Variants in ATXN3 observed in about 807,000 individuals in gnomAD.
ATXN3 encodes the protein ataxin 3.
A neutral mutation model predicts 58.2 loss-of-function variants in ATXN3; 28 were observed. That is an observed-to-expected ratio of 0.48 (90% CI 0.36 to 0.66). ATXN3 has a LOEUF of 0.66. Ranked by LOEUF, ATXN3 falls within the 30% of genes least tolerant of loss-of-function variation. ATXN3 has a pLI of 0.00. For synonymous variants in ATXN3, 113 were observed against 138.5 expected (o/e 0.82, Z 1.29); for missense variants, 321 against 422.1 (o/e 0.76, Z 2.10).
intron 6 of ATXN3, among the ~76,000 whole-genome samples, chr14:92,087,854 C>T (rs770411294): frequency 2.0e-5 from 3 of 152,120 alleles, no homozygotes; most frequent in Non-Finnish European, 2.9e-5. Flanking sequence ...GTTATGATTA[C>T]TGGTAATAGC....
intron 1 of ATXN3, among the ~76,000 whole-genome samples, chr14:92,097,088 T>C (rs549835945): frequency 6.6e-6 from 1 of 152,000 alleles, no homozygotes; most frequent in South Asian, 2.1e-4. Flanking sequence ...TTTGTATTTT[T>C]AGTAGAGACG....
At chr14:92,074,362 C>A (rs1371093094) in intron 9 of ATXN3, among the ~76,000 whole-genome samples, 6 of 152,092 alleles carry the variant, frequency 3.9e-5, no homozygotes, top group Non-Finnish European at 2.9e-5. Context: ...TGAGGCCTAG[C>A]CATCTCCCTC....
At chr14:92,078,001 G>A (rs1249416528) in intron 9 of ATXN3, among the ~76,000 whole-genome samples, 4 of 147,062 alleles carry the variant, frequency 2.7e-5, no homozygotes, top group Non-Finnish European at 6.0e-5. Flanking sequence ...TTGAGGCGGA[G>A]TTTCACTCTG....
chr14:92,065,549 T>C (rs568608527), intron 10 of ATXN3, among the ~76,000 whole-genome samples: 167 of 138,156 alleles, frequency 1.2e-3, no homozygotes, highest in Middle Eastern at 3.8e-3. Flanking sequence ...GCCTGGGCAA[T>C]TGCGTCAGTG....
chr14:92,094,100 A>G (rs2064591813), intron 3 of ATXN3, among the ~76,000 whole-genome samples: 2 of 151,670 alleles, frequency 1.3e-5, no homozygotes, highest in Admixed American at 1.3e-4. Flanking sequence ...ACGCCACCAC[A>G]CCCAGCTATT....
At chr14:92,083,548 AC>A (rs1408447274) in intron 6 of ATXN3, 1 of 500,458 alleles carries the variant, frequency 2.0e-6, no homozygotes, top group East Asian at 5.1e-5. Context: ...CTAATATAGT[AC>A]TTGACTGAGC....
chr14:92,096,623 C>CA (rs376966269), intron 2 of ATXN3, 51 bp downstream of exon 2: 191,531 of 1,219,086 alleles, frequency 0.16, 1,365 homozygotes, highest in African/African-American at 0.31. Context: ...GACTCCGTCT[C>CA]AAAAAAAAAA....
intron 2 of ATXN3, chr14:92,046,357 G>T (rs2057427838): frequency 6.6e-6 from 1 of 152,302 alleles, no homozygotes; most frequent in Admixed American, 6.5e-5. Flanking sequence ...AGGAAAGAAG[G>T]AAGTATGGGG....
At chr14:92,068,559 T>C (rs2058844758) in intron 10 of ATXN3, among the ~76,000 whole-genome samples, 1 of 152,164 alleles carries the variant, frequency 6.6e-6, no homozygotes, top group South Asian at 2.1e-4. Flanking sequence ...AGCCAGTCTG[T>C]CTTCTCTCTG....
intron 6 of ATXN3, among the ~76,000 whole-genome samples, chr14:92,085,768 T>C (rs908321295): frequency 6.6e-6 from 1 of 152,208 alleles, no homozygotes; most frequent in African/African-American, 2.4e-5. Context: ...TAGTCAAAGC[T>C]AGGTGTTCAG....
At chr14:92,044,998 C>T (rs1356511555) in intron 2 of ATXN3, 1 of 152,120 alleles carries the variant, frequency 6.6e-6, no homozygotes, top group Non-Finnish European at 1.5e-5. Flanking sequence ...TGGTGGATTT[C>T]CTGTCTAGCC....
chr14:92,093,584 T>C lies in ATXN3; in HGVS notation c.320+162A>G, dbSNP rs11844802. ...GGTGCCAGGAAGGCTACAGGGCAGATGCTCATGGACATCACAAAGGTGAAA... is the reference window on the plus strand; with the variant it reads ...GGTGCCAGGAAGGCTACAGGGCAGACGCTCATGGACATCACAAAGGTGAAA... On this transcript the variant is annotated intron_variant, in intron 4 of 10. Coordinates refer to ENST00000644486, the MANE Select transcript of ATXN3 (RefSeq NM_004993.6). The C allele has an allele frequency of 1.7e-3, 1,126 of 673,872 alleles. 10 individuals carry two copies. In the African/African-American group the frequency reaches 0.019, roughly 11 times the overall value. 41.7% of individuals were successfully genotyped at this position (673,872 alleles called of 1,614,324 possible).
At chr14:92,079,115 G>A (rs1211560650) in intron 9 of ATXN3, among the ~76,000 whole-genome samples, 1 of 151,060 alleles carries the variant, frequency 6.6e-6, no homozygotes, top group Non-Finnish European at 1.5e-5. Flanking sequence ...GAACTCAGGA[G>A]GCAGAGGTTG....
At chr14:92,049,581 G>A (rs915939094) in intron 1 of ATXN3, 30 of 168,730 alleles carry the variant, frequency 1.8e-4, no homozygotes, top group African/African-American at 7.0e-4. Flanking sequence ...GGTAGCAAGA[G>A]AGGATGGAAA....
At position 92,058,567 on chromosome 14, in the gene ATXN3, T is replaced by C. The variant is rs2057523650; in HGVS notation, c.*5753A>G. 3 of 152,170 alleles carry C rather than the reference T, an allele frequency of 2.0e-5. No homozygotes were observed. In the South Asian group the frequency reaches 6.2e-4, roughly 32 times the overall value. The allele number at this position is 152,170 out of a possible 1,614,324, so 9.4% of individuals were successfully genotyped here. On this transcript the variant is annotated 3_prime_UTR_variant, in exon 11 of 11. Coordinates refer to ENST00000644486, the MANE Select transcript of ATXN3 (RefSeq NM_004993.6). The stretch of plus-strand genomic sequence containing the variant: ...CAAAAGGAAATAGAAAAGCAAACAT[T>C]ATCTTTATTTAATAATCTTTGATAT...
chr14:92,084,393 A>C (rs1208115759), intron 6 of ATXN3, among the ~76,000 whole-genome samples: 1 of 152,172 alleles, frequency 6.6e-6, no homozygotes, highest in Admixed American at 6.5e-5. Flanking sequence ...CAAATACCTA[A>C]AAGCTATTTA....
chr14:92,057,431 G>C (rs1336301192), downstream of ATXN3, among the ~76,000 whole-genome samples: 2 of 151,588 alleles, frequency 1.3e-5, no homozygotes, highest in Admixed American at 1.3e-4. Flanking sequence ...CAACAAAGCG[G>C]GGGGAGGGGG....
At chr14:92,093,347 TGA>T in intron 4 of ATXN3, 29 bp from the exon 5 acceptor site, 1 of 1,080,130 alleles carries the variant, frequency 9.3e-7, no homozygotes, top group Non-Finnish European at 1.4e-6. Flanking sequence ...AATATTAACT[TGA>T]AATATTGAAT....
intron 9 of ATXN3, among the ~76,000 whole-genome samples, chr14:92,072,926 G>C (rs2059693992): frequency 6.6e-6 from 1 of 152,158 alleles, no homozygotes; most frequent in African/African-American, 2.4e-5. Context: ...CTCCCTGTTG[G>C]TCTCTGAGCC....
Sources: gnomAD v4.1 joint callset for allele counts (sites outside exome capture counted in the v4.1 genomes callset) on GRCh38, gnomAD v4.1.1 for gene constraint, MANE v1.5 for transcripts, NCBI Gene and HGNC (gene_info 2026-07-23, HGNC 2026-07-21) for gene names.